The following SLC45A4 variants were observed in gnomAD, a reference collection of about 807,000 sequenced individuals.
SLC45A4 encodes polyamine-transporter SLC45A4.
SLC45A4 carries 32 observed loss-of-function variants against 63.7 expected under a neutral mutation model. The observed-to-expected ratio is 0.50, with a 90% CI of 0.38 to 0.67. SLC45A4 has a LOEUF of 0.67. Ranked by LOEUF, SLC45A4 falls within the 30% of genes least tolerant of loss-of-function variation. The probability of loss-of-function intolerance (pLI) is 0.00; values close to 1 mark genes in which losing one functional copy is unlikely to be tolerated. For missense variants in SLC45A4, 1,027 were observed against 1,157.7 expected (o/e 0.89, Z 1.64); for synonymous variants, 535 against 510.0 (o/e 1.05, Z -0.66).
At chr8:141,285,592 T>A (rs1179884169) in intron 1 of SLC45A4, among the ~76,000 whole-genome samples, 1 of 152,190 alleles carries the variant, frequency 6.6e-6, no homozygotes, top group Non-Finnish European at 1.5e-5. Flanking sequence ...CTCCACCCAC[T>A]GCACATCCAC....
At chr8:141,232,988 A>G (rs1259569477) in intron 2 of SLC45A4, among the ~76,000 whole-genome samples, 1 of 152,264 alleles carries the variant, frequency 6.6e-6, no homozygotes, top group African/African-American at 2.4e-5. Context: ...GAGGAGCAGC[A>G]GCCAGCGCTG....
Position 141,218,228 on chromosome 8 carries a change from C to G in SLC45A4, c.1412G>C (p.Arg471Pro). Residue 471 changes from arginine to proline, a missense_variant, in exon 5 of 9, where the codon CGG (arginine) becomes CCG (proline). Arg to Pro is a moderately radical substitution (Grantham distance 103, BLOSUM62 -2). Coordinates refer to ENST00000517878, the MANE Select transcript of SLC45A4 (RefSeq NM_001286646.2). ...GGAGGTGGTGGCCCCGCTCTGGTTC[C>G]GGTGCCGGTGCTGCCGCTGCCGCTT... ...MQKRQRQHRH[R>P]NQSGATTSSG... The G allele has an allele frequency of 6.2e-7, 1 of 1,601,974 alleles. No individual in the cohort carries two copies. The highest frequency in any genetic ancestry group is 8.5e-7 in the Non-Finnish European group (1 of 1,179,644).
At chr8:141,303,240 G>T (rs1221786469) in intron 1 of SLC45A4, among the ~76,000 whole-genome samples, 5 of 150,710 alleles carry the variant, frequency 3.3e-5, no homozygotes, top group Admixed American at 1.3e-4. Context: ...CAGGCAATCT[G>T]CCCGCCTCAG....
At chr8:141,211,987 G>A (rs1825848939) in intron 8 of SLC45A4, 2 of 1,298,290 alleles carry the variant, frequency 1.5e-6, no homozygotes, top group South Asian at 2.7e-5. Flanking sequence ...AAAGTGGTTA[G>A]TGTGGTATTT....
At chr8:141,280,358 G>A (rs1255383038) in intron 1 of SLC45A4, among the ~76,000 whole-genome samples, 1 of 152,210 alleles carries the variant, frequency 6.6e-6, no homozygotes, top group Non-Finnish European at 1.5e-5. Flanking sequence ...GTGGAAAATG[G>A]ACTTAACTAA....
intron 1 of SLC45A4, among the ~76,000 whole-genome samples, chr8:141,285,160 C>T (rs1364697631): frequency 2.0e-5 from 3 of 152,220 alleles, no homozygotes; most frequent in Non-Finnish European, 4.4e-5. Context: ...GCGGGTGAAA[C>T]GCCAGCTCCT....
Position 141,229,425 on chromosome 8 carries a change from C to T in SLC45A4, c.242-7660G>A, listed in dbSNP as rs1168160801. 6.6e-6 allele frequency among the ~76,000 whole-genome samples: 1 copy of T among 152,048 alleles called. No individual in the cohort carries two copies. Among genetic ancestry groups the T allele is most frequent in the Non-Finnish European group, 1.5e-5 (1 of 67,988 alleles). Reference sequence around the variant, plus strand: ...ACCCTACCTCCTCTTCTAGAAAACACCAGGCTCACATCCCGCTCAGAACCT... The same window carrying T: ...ACCCTACCTCCTCTTCTAGAAAACATCAGGCTCACATCCCGCTCAGAACCT... On this transcript the variant is annotated intron_variant, in intron 2 of 8. Transcript: ENST00000517878. This position sits in a 1 kb window ranked among gnomAD's most constrained non-coding sequence, Gnocchi z 5.0.
chr8:141,289,438 G>A (rs372812852), intron 1 of SLC45A4, among the ~76,000 whole-genome samples: 13 of 152,292 alleles, frequency 8.5e-5, no homozygotes, highest in East Asian at 7.7e-4. Flanking sequence ...TATCTCAACC[G>A]TGGCTCAGCA....
chr8:141,271,337 C>T (rs146842080), intron 1 of SLC45A4, among the ~76,000 whole-genome samples: 2 of 152,342 alleles, frequency 1.3e-5, no homozygotes, highest in African/African-American at 2.4e-5. Flanking sequence ...GCACCACACT[C>T]AATTCTGGAA....
Position 141,254,111 on chromosome 8 carries a change from C to T in SLC45A4, c.119G>A (p.Ser40Asn). The change falls in exon 2 of 9, where the codon AGC (serine) becomes AAC (asparagine). Residue 40 changes from serine to asparagine, a missense_variant. Transcript: ENST00000517878. The surrounding 1 kb of genome is among the most constrained non-coding windows in gnomAD (Gnocchi z 4.5). Reference protein sequence around the residue: ...GAEAENCETISEGSIDRIPMR... With the variant: ...GAEAENCETINEGSIDRIPMR... ...GGGGATTCGGTCTATGGACCCCTCG[C>T]TGATGGTCTCGCAGTTCTCGGCCTC... The T allele has an allele frequency of 6.5e-7, 1 of 1,536,202 alleles. No individual in the cohort carries two copies. The highest frequency in any genetic ancestry group is 8.7e-7 in the Non-Finnish European group (1 of 1,146,922).
At chr8:141,241,229 C>A (rs1424209409) in intron 2 of SLC45A4, among the ~76,000 whole-genome samples, 1 of 152,256 alleles carries the variant, frequency 6.6e-6, no homozygotes, top group African/African-American at 2.4e-5. Flanking sequence ...TGCGGGCAGG[C>A]GGAGCAGCAG....
In SLC45A4 at chr8:141,229,615, C is replaced by T. The variant is rs1374721116; in HGVS notation, c.242-7850G>A. On this transcript the variant is annotated intron_variant, in intron 2 of 8. Coordinates refer to ENST00000517878, the MANE Select transcript of SLC45A4 (RefSeq NM_001286646.2). This position sits in a 1 kb window ranked among gnomAD's most constrained non-coding sequence, Gnocchi z 5.0. ...AACAAGCACGTGGCAGGTGACGGCA[C>T]CCGCAGACCACGGCCTGCACCCATG... Among the ~76,000 whole-genome samples, 3 of 152,126 alleles carry T rather than the reference C, an allele frequency of 2.0e-5. No homozygotes were observed.
intron 1 of SLC45A4, among the ~76,000 whole-genome samples, chr8:141,298,286 G>GTT (rs1479258604): frequency 6.6e-6 from 1 of 152,276 alleles, no homozygotes; most frequent in Non-Finnish European, 1.5e-5. Flanking sequence ...AGAACATTCT[G>GTT]TTTCTTTCAA....
intron 2 of SLC45A4, among the ~76,000 whole-genome samples, chr8:141,232,978 G>A (rs886986696): frequency 6.6e-6 from 1 of 152,248 alleles, no homozygotes; most frequent in Non-Finnish European, 1.5e-5. Context: ...CAGGAGTGGA[G>A]AGGAGCAGCA....
At chr8:141,217,409 G>A (rs902455530) in intron 5 of SLC45A4, among the ~76,000 whole-genome samples, 5 of 152,242 alleles carry the variant, frequency 3.3e-5, no homozygotes, top group African/African-American at 1.2e-4. Flanking sequence ...CTGCCACCGC[G>A]GCAAGAGGCG....
chr8:141,242,612 G>A (rs1589803469), intron 2 of SLC45A4, among the ~76,000 whole-genome samples: 2 of 152,200 alleles, frequency 1.3e-5, no homozygotes, highest in African/African-American at 4.8e-5. Context: ...AGCTCCCGTG[G>A]TACATCGGTG....
At position 141,260,907 on chromosome 8, in the gene SLC45A4, G is replaced by A. The variant is rs527735781; in HGVS notation, c.-400-6278C>T. Among the ~76,000 whole-genome samples the A allele has an allele frequency of 1.2e-4, 19 of 152,294 alleles. 1 individual carries two copies. The highest frequency in any genetic ancestry group is 4.1e-4 in the African/African-American group (17 of 41,552). ...AGCATCATCCTGATACCAAAGCCTG[G>A]CAGAGACAGAACCAAAAAAGAGAAT... On this transcript the variant is annotated intron_variant, in intron 1 of 8. Coordinates refer to ENST00000517878, the MANE Select transcript of SLC45A4 (RefSeq NM_001286646.2).
intron 2 of SLC45A4, 58 bp downstream of exon 2, chr8:141,253,931 C>T: frequency 6.6e-7 from 1 of 1,524,656 alleles, no homozygotes; most frequent in Non-Finnish European, 8.8e-7. Flanking sequence ...CAGAGCCACG[C>T]CCAGTCCGCT....
Position 141,211,921 on chromosome 8 carries a change from TAAAATATCTTTTTCAATTAAAAA to T in SLC45A4, c.2302-247_2302-225del, listed in dbSNP as rs1589752234. 3 of 1,254,164 alleles carry T rather than the reference TAAAATATCTTTTTCAATTAAAAA, an allele frequency of 2.4e-6. No homozygotes were observed. The East Asian group carries it at 9.2e-5, about 38-fold the overall frequency. The allele number at this position is 1,254,164 out of a possible 1,614,324, so 77.7% of individuals were successfully genotyped here. A position where few individuals can be genotyped will look rare whatever the true frequency, so the allele number is the denominator to read the frequency against. ...ACCTGCAGAATAAAAGAGCTGAAATTAAAATATCTTTTTCAATTAAAAAAAATATTTCAAATGATTCTTTTAAT... is the reference window on the plus strand; with the variant it reads ...ACCTGCAGAATAAAAGAGCTGAAATTAAATATTTCAAATGATTCTTTTAAT... On this transcript the variant is annotated intron_variant, in intron 8 of 8. Coordinates refer to ENST00000517878, the MANE Select transcript of SLC45A4 (RefSeq NM_001286646.2).
Sources: allele counts gnomAD v4.1 joint callset (sites outside exome capture counted in the v4.1 genomes callset), GRCh38; gene constraint gnomAD v4.1.1; non-coding constraint Gnocchi (gnomAD v3.1); transcripts MANE v1.5; gene names NCBI Gene and HGNC (gene_info 2026-07-23, HGNC 2026-07-21).